The following COL21A1 variants were observed in gnomAD, a reference collection of about 807,000 sequenced individuals.
COL21A1 encodes collagen type XXI alpha 1 chain, also known as collagen alpha-1(XXI) chain.
A neutral mutation model predicts 137.9 loss-of-function variants in COL21A1; 149 were observed. The ratio of observed to expected loss-of-function variants is 1.08; its 90% CI spans 0.95 to 1.24. The LOEUF (loss-of-function observed/expected upper bound fraction) is 1.24, where lower values mean the gene tolerates loss of function less well. COL21A1 is among the 50% of genes most tolerant of loss of function. The probability of loss-of-function intolerance (pLI) is 0.00; values close to 1 mark genes in which losing one functional copy is unlikely to be tolerated. For synonymous variants in COL21A1, 456 were observed against 391.5 expected, an observed-to-expected ratio of 1.16 and a Z score of -1.95; for missense variants, 1,167 against 1,158.4, an observed-to-expected ratio of 1.01 and a Z score of -0.11.
At chr6:56,339,216 A>G (rs986722333) in intron 1 of COL21A1, among the ~76,000 whole-genome samples, 8 of 152,168 alleles carry the variant, frequency 5.3e-5, no homozygotes, top group African/African-American at 1.9e-4. Flanking sequence ...CTTTACCTGC[A>G]GGCTATGGGA....
At chr6:56,236,090 C>G (rs770788158) in intron 1 of COL21A1, among the ~76,000 whole-genome samples, 2 of 151,914 alleles carry the variant, frequency 1.3e-5, no homozygotes, top group East Asian at 1.9e-4. Flanking sequence ...ATTAAGCAAC[C>G]AATGGCCATA....
chr6:56,361,777 T>G (rs1765973583), intron 1 of COL21A1, among the ~76,000 whole-genome samples: 1 of 151,862 alleles, frequency 6.6e-6, no homozygotes, highest in African/African-American at 2.4e-5. Flanking sequence ...TGTGTGTGTG[T>G]GGTGTGTGTG....
intron 20 of COL21A1, among the ~76,000 whole-genome samples, chr6:56,073,589 C>T (rs1050978368): frequency 9.3e-5 from 14 of 151,318 alleles, no homozygotes; most frequent in Non-Finnish European, 1.6e-4. Flanking sequence ...GAACAGTTTT[C>T]TGAGTGTTTT....
At chr6:56,139,944 C>T (rs181394301) in intron 12 of COL21A1, among the ~76,000 whole-genome samples, 3 of 152,178 alleles carry the variant, frequency 2.0e-5, no homozygotes, top group African/African-American at 2.4e-5. Flanking sequence ...ATAATTATGA[C>T]ATTTTATTTC....
At chr6:56,096,403 T>C (rs1442620514) in intron 17 of COL21A1, among the ~76,000 whole-genome samples, 1 of 152,206 alleles carries the variant, frequency 6.6e-6, no homozygotes, top group African/African-American at 2.4e-5. Flanking sequence ...ATTGAAAGAA[T>C]ATAATCTTTA....
At chr6:56,157,021 G>A in intron 9 of COL21A1, 72 bp from the exon 10 acceptor site, 1 of 953,718 alleles carries the variant, frequency 1.0e-6, no homozygotes, top group Non-Finnish European at 1.6e-6. Context: ...ATCAATAAAA[G>A]TTCAAAACCA....
chr6:56,166,463 C>T (rs1776587408), intron 7 of COL21A1, among the ~76,000 whole-genome samples: 1 of 152,086 alleles, frequency 6.6e-6, no homozygotes, highest in Non-Finnish European at 1.5e-5. Flanking sequence ...ACCAGCCTGG[C>T]CAACATGGTG....
intron 12 of COL21A1, among the ~76,000 whole-genome samples, chr6:56,131,815 AT>A (rs1773575505): frequency 6.6e-6 from 1 of 152,164 alleles, no homozygotes; most frequent in African/African-American, 2.4e-5. Context: ...GAGTTATTAT[AT>A]AATACCACAG....
chr6:56,125,227 G>T (rs1480624744), intron 14 of COL21A1, among the ~76,000 whole-genome samples: 1 of 150,042 alleles, frequency 6.7e-6, no homozygotes, highest in Non-Finnish European at 1.5e-5. Flanking sequence ...TACCATGTTG[G>T]CCAGGCTGGT....
chr6:56,216,876 T>C (rs1780518353), intron 1 of COL21A1, among the ~76,000 whole-genome samples: 1 of 152,036 alleles, frequency 6.6e-6, no homozygotes, highest in South Asian at 2.1e-4. Flanking sequence ...AACAAGATAA[T>C]TACAGAATAA....
At chr6:56,092,081 T>C (rs1029380414) in intron 17 of COL21A1, among the ~76,000 whole-genome samples, 4 of 152,068 alleles carry the variant, frequency 2.6e-5, no homozygotes, top group African/African-American at 9.7e-5. Context: ...AAATGTAGTC[T>C]AGCAAAGTTG....
At chr6:56,324,850 G>A (rs1764966201) in intron 1 of COL21A1, among the ~76,000 whole-genome samples, 1 of 151,904 alleles carries the variant, frequency 6.6e-6, no homozygotes, top group Non-Finnish European at 1.5e-5. Context: ...CTATCTTAAA[G>A]CGGGTCAGTA....
At chr6:56,388,027 GGGA>G (rs1450868512) in intron 1 of COL21A1, among the ~76,000 whole-genome samples, 2 of 152,186 alleles carry the variant, frequency 1.3e-5, no homozygotes, top group Admixed American at 1.3e-4. Flanking sequence ...GGAAAGGAGA[GGGA>G]AGAGTACAGA....
At chr6:56,343,268 C>A (rs1042856125) in intron 1 of COL21A1, among the ~76,000 whole-genome samples, 5 of 152,076 alleles carry the variant, frequency 3.3e-5, no homozygotes, top group Admixed American at 6.6e-5. Context: ...GCTTACAATT[C>A]TTTGAGTTAC....
chr6:56,221,096 A>G (rs1780799322), intron 1 of COL21A1, among the ~76,000 whole-genome samples: 1 of 152,248 alleles, frequency 6.6e-6, no homozygotes, highest in Admixed American at 6.6e-5. Context: ...TTGAAACCAC[A>G]TTAACTCTTT....
chr6:56,236,251 G>T (rs540838773), intron 1 of COL21A1, among the ~76,000 whole-genome samples: 1 of 151,942 alleles, frequency 6.6e-6, no homozygotes, highest in South Asian at 2.1e-4. Context: ...AAGAAATAAG[G>T]CTTGTTTCTG....
intron 1 of COL21A1, among the ~76,000 whole-genome samples, chr6:56,214,234 T>C (rs1277822903): frequency 6.6e-6 from 1 of 152,054 alleles, no homozygotes; most frequent in Admixed American, 6.6e-5. Context: ...AACCCTGAAC[T>C]GGTTTGTTGC....
At chr6:56,361,767 T>TGTGTGTGTGTG (rs762837705) in intron 1 of COL21A1, among the ~76,000 whole-genome samples, 36 of 151,768 alleles carry the variant, frequency 2.4e-4, no homozygotes, top group South Asian at 4.2e-4. Flanking sequence ...TGCGTGTGCG[T>TGTGTGTGTGTG]GTGTGTGTGT....
intron 1 of COL21A1, among the ~76,000 whole-genome samples, chr6:56,204,544 G>A (rs1299819794): frequency 6.6e-6 from 1 of 152,152 alleles, no homozygotes; most frequent in Admixed American, 6.6e-5. Context: ...AGTGGAGGCT[G>A]TGGGTGCAGC....
Sources: allele counts gnomAD v4.1 joint callset (sites outside exome capture counted in the v4.1 genomes callset), GRCh38; gene constraint gnomAD v4.1.1; transcripts MANE v1.5; gene names NCBI Gene and HGNC (gene_info 2026-07-23, HGNC 2026-07-21).